The following ADAMTSL3 variants were observed in gnomAD, a reference collection of about 807,000 sequenced individuals.
ADAMTSL3 encodes the protein ADAMTS like 3, also known as ADAMTS-like protein 3.
In ADAMTSL3, 128 loss-of-function variants were observed where a neutral mutation model predicts 201.7. The observed-to-expected ratio is 0.63, with a 90% CI of 0.55 to 0.73. ADAMTSL3 has a LOEUF of 0.73. Among genes scored for constraint, ADAMTSL3 ranks in the 30% least tolerant of loss-of-function variants. ADAMTSL3 has a pLI of 0.00. For synonymous variants in ADAMTSL3, 738 were observed against 748.4 expected (o/e 0.99, Z 0.23); for missense variants, 1,990 against 2,119.6 (o/e 0.94, Z 1.20).
At chr15:83,839,092 TG>T (rs1214500740) in intron 7 of ADAMTSL3, among the ~76,000 whole-genome samples, 4 of 152,354 alleles carry the variant, frequency 2.6e-5, no homozygotes, top group Admixed American at 6.5e-5. Context: ...AGTACTTTTA[TG>T]GTTTTGTTTT....
At chr15:83,675,613 G>C (rs1250800793) in intron 2 of ADAMTSL3, among the ~76,000 whole-genome samples, 1 of 119,146 alleles carries the variant, frequency 8.4e-6, no homozygotes, top group East Asian at 2.3e-4. Context: ...TCCTGTCATT[G>C]TCTGGTTTTA....
At chr15:83,837,990 T>C in intron 6 of ADAMTSL3, 99 bp from the exon 7 acceptor site, 1 of 1,456,234 alleles carries the variant, frequency 6.9e-7, no homozygotes, top group Non-Finnish European at 9.2e-7. Context: ...AGCCAAACTG[T>C]AAAGTTAAGG....
At chr15:83,742,700 T>C (rs990436404) in intron 3 of ADAMTSL3, among the ~76,000 whole-genome samples, 1 of 152,244 alleles carries the variant, frequency 6.6e-6, no homozygotes, top group Non-Finnish European at 1.5e-5. Context: ...TGTGCTTTTC[T>C]TGTCTGGAAG....
chr15:83,704,633 G>A, intron 3 of ADAMTSL3, 125 bp downstream of exon 3: 1 of 1,298,046 alleles, frequency 7.7e-7, no homozygotes, highest in Non-Finnish European at 1.1e-6. Context: ...ACAGACCCTT[G>A]ACACCCTTGA....
chr15:84,005,625 G>T (rs948325106), intron 23 of ADAMTSL3, among the ~76,000 whole-genome samples: 1 of 152,188 alleles, frequency 6.6e-6, no homozygotes, highest in Admixed American at 6.5e-5. Flanking sequence ...GTCTGGTGGC[G>T]TTAAAGAACT....
chr15:83,952,814 A>G (rs1596460994), intron 19 of ADAMTSL3, among the ~76,000 whole-genome samples: 1 of 151,942 alleles, frequency 6.6e-6, no homozygotes, highest in Admixed American at 6.6e-5. Context: ...TCAAAAAAAA[A>G]AAAAAAAGAA....
At chr15:84,002,264 C>A (rs1425034657) in intron 23 of ADAMTSL3, among the ~76,000 whole-genome samples, 1 of 152,106 alleles carries the variant, frequency 6.6e-6, no homozygotes, top group Non-Finnish European at 1.5e-5. Flanking sequence ...TTGCAAAAAA[C>A]CTTGTGCTTT....
chr15:84,020,864 A>C (rs2068191447), intron 25 of ADAMTSL3, among the ~76,000 whole-genome samples: 1 of 152,258 alleles, frequency 6.6e-6, no homozygotes, highest in Admixed American at 6.5e-5. Context: ...GTGACAAATT[A>C]TTTATGCAGT....
intron 29 of ADAMTSL3, 158 bp downstream of exon 29, chr15:84,037,145 G>C: frequency 1.3e-6 from 1 of 765,850 alleles, no homozygotes; most frequent in Non-Finnish European, 2.1e-6. Context: ...GGACATCAGG[G>C]GATGAACTCC....
intron 7 of ADAMTSL3, among the ~76,000 whole-genome samples, chr15:83,841,067 A>G (rs1304484556): frequency 6.6e-6 from 1 of 152,222 alleles, no homozygotes; most frequent in South Asian, 2.1e-4. Flanking sequence ...AGGAAAGGAT[A>G]TTCTCCCCAG....
intron 25 of ADAMTSL3, among the ~76,000 whole-genome samples, chr15:84,017,520 A>G (rs1199778945): frequency 6.6e-6 from 1 of 152,198 alleles, no homozygotes. Flanking sequence ...TCTCATTTGC[A>G]TAATGTATCA....
intron 9 of ADAMTSL3, among the ~76,000 whole-genome samples, chr15:83,874,990 C>T (rs1243073455): frequency 1.5e-5 from 2 of 129,106 alleles, no homozygotes; most frequent in African/African-American, 3.0e-5. Flanking sequence ...CACCTCTCAT[C>T]GACAAGAATT....
intron 3 of ADAMTSL3, among the ~76,000 whole-genome samples, chr15:83,727,890 T>C (rs1241672723): frequency 3.3e-5 from 5 of 152,066 alleles, no homozygotes; most frequent in African/African-American, 9.7e-5. Flanking sequence ...ATTTGGTCTA[T>C]AGTGCAGATT....
At chr15:83,669,744 A>T (rs990578128) in intron 2 of ADAMTSL3, among the ~76,000 whole-genome samples, 3 of 151,782 alleles carry the variant, frequency 2.0e-5, no homozygotes, top group Admixed American at 1.3e-4. Context: ...CTGGGATTAC[A>T]GGTGTGAGCC....
At chr15:83,896,844 G>A (rs2141905913) in intron 13 of ADAMTSL3, among the ~76,000 whole-genome samples, 1 of 152,178 alleles carries the variant, frequency 6.6e-6, no homozygotes, top group African/African-American at 2.4e-5. Flanking sequence ...CACATGTCTG[G>A]GGAGGCCTCA....
At chr15:83,896,729 C>A (rs1486879386) in intron 13 of ADAMTSL3, among the ~76,000 whole-genome samples, 1 of 152,068 alleles carries the variant, frequency 6.6e-6, no homozygotes, top group Non-Finnish European at 1.5e-5. Flanking sequence ...CATATATACA[C>A]TCCCCAACAT....
intron 2 of ADAMTSL3, among the ~76,000 whole-genome samples, chr15:83,697,934 AC>A (rs2061709140): frequency 6.6e-6 from 1 of 152,120 alleles, no homozygotes; most frequent in Non-Finnish European, 1.5e-5. Context: ...CCAGGGGTCC[AC>A]CAAGAGTAAC....
chr15:83,851,114 A>G (rs1167866117), intron 7 of ADAMTSL3, among the ~76,000 whole-genome samples: 1 of 152,346 alleles, frequency 6.6e-6, no homozygotes, highest in East Asian at 1.9e-4. Flanking sequence ...TAGATGATTC[A>G]TATTTAGGTA....
At chr15:83,951,008 T>C (rs975181305) in intron 19 of ADAMTSL3, among the ~76,000 whole-genome samples, 43 of 151,394 alleles carry the variant, frequency 2.8e-4, no homozygotes, top group East Asian at 5.8e-4. Context: ...CTTTTCTTTT[T>C]TTTTTTTTTC....
Sources: gnomAD v4.1 joint callset for allele counts (sites outside exome capture counted in the v4.1 genomes callset) on GRCh38, gnomAD v4.1.1 for gene constraint, MANE v1.5 for transcripts, NCBI Gene and HGNC (gene_info 2026-07-23, HGNC 2026-07-21) for gene names.